SACS: variants seen among roughly 807,000 people sequenced by gnomAD.
SACS encodes sacsin molecular chaperone.
Under a neutral mutation model 348.0 loss-of-function variants are expected in SACS, and 197 were observed. The observed-to-expected ratio is 0.57, with a 90% CI of 0.50 to 0.64. The LOEUF (loss-of-function observed/expected upper bound fraction) is 0.64, where lower values mean the gene tolerates loss of function less well. Among genes scored for constraint, SACS ranks in the 30% least tolerant of loss-of-function variants. The pLI is 0.00. For synonymous variants in SACS, 1,985 were observed against 1,910.6 expected, an observed-to-expected ratio of 1.04 and a Z score of -1.02; for missense variants, 4,999 against 5,360.8, an observed-to-expected ratio of 0.93 and a Z score of 2.11.
chr13:23,380,538 CAAT>C (rs1191360458), intron 2 of SACS, among the ~76,000 whole-genome samples: 2 of 152,032 alleles, frequency 1.3e-5, no homozygotes, highest in Non-Finnish European at 2.9e-5. Flanking sequence ...ATAATAACAA[CAAT>C]AATAATAATA....
At chr13:23,350,237 A>G (rs1381951719) in intron 9 of SACS, among the ~76,000 whole-genome samples, 1 of 152,234 alleles carries the variant, frequency 6.6e-6, no homozygotes, top group East Asian at 1.9e-4. Flanking sequence ...TAGTGGAATG[A>G]CAGTGGAAGC....
chr13:23,411,418 A>G lies in SACS; in HGVS notation c.-179T>C. ...CATTCATCATCTGATGTCAGGAAAC[A>G]TTGTCGTGTGTTGCATTTGTATTCC... is the stretch of plus-strand genomic sequence containing the variant. On this transcript the variant is annotated 5_prime_UTR_variant, in exon 2 of 10. An upstream start codon of the reference 5' UTR is lost. Transcript: ENST00000382292. 2 of 651,052 alleles carry G rather than the reference A, an allele frequency of 3.1e-6. No individual in the cohort carries two copies. Among genetic ancestry groups the G allele is most frequent in the Non-Finnish European group, 5.5e-6 (2 of 362,412 alleles). 40.3% of individuals were successfully genotyped at this position (651,052 alleles called of 1,614,324 possible).
At chr13:23,346,232 G>A (rs999318518) in intron 9 of SACS, among the ~76,000 whole-genome samples, 1 of 152,182 alleles carries the variant, frequency 6.6e-6, no homozygotes, top group African/African-American at 2.4e-5. Context: ...TGCAACCTCT[G>A]CCGCCCGGGT....
At chr13:23,377,830 G>A (rs1321581140) in intron 2 of SACS, among the ~76,000 whole-genome samples, 1 of 152,166 alleles carries the variant, frequency 6.6e-6, no homozygotes, top group Non-Finnish European at 1.5e-5. Context: ...CCAGCACAGG[G>A]CTCCTGGATT....
In SACS at chr13:23,330,386, T is replaced by A; in HGVS notation, c.13490A>T (p.Asp4497Val). 1 of 1,614,218 alleles carries A rather than the reference T, an allele frequency of 6.2e-7. No homozygotes were observed. Among genetic ancestry groups the A allele is most frequent in the Non-Finnish European group, 8.5e-7 (1 of 1,180,028 alleles). The change falls in exon 10 of 10, where the codon GAT becomes GTT. Residue 4497 changes from aspartate (D) to valine (V), a missense_variant. Transcript: ENST00000382292. ...AAGTGCAGTTGGTTTTACATCTTTA[T>A]CAGACTTTCCCCTCACAGCATAGTC... ...AADYAVRGKS[D>V]KDVKPTALAQ...
In SACS at chr13:23,341,547, A is replaced by G. The variant is rs147837803; in HGVS notation, c.2329T>C (p.Ser777Pro). ...FDENRNHPSV[S>P]WLKMVWKNLY... is the part of the protein sequence containing the mutation. Reference sequence around the variant, plus strand: ...TTTTTCCAAACCATCTTAAGCCATGAAACAGATGGGTGATTTCTGTTTTCA... The same window carrying G: ...TTTTTCCAAACCATCTTAAGCCATGGAACAGATGGGTGATTTCTGTTTTCA... Residue 777 changes from serine to proline, a missense_variant, in exon 10 of 10, where the codon TCA becomes CCA. Ser to Pro is a moderately conservative substitution (Grantham distance 74). Transcript: ENST00000382292. 29 of 1,614,032 alleles carry G rather than the reference A, an allele frequency of 1.8e-5. No homozygotes were observed. The African/African-American group carries it at 3.7e-4, about 21-fold the overall frequency.
rs775473266 is a variant in SACS at position 23,331,541 on chromosome 13, T to A, written c.12335A>T (p.Asn4112Ile). The A allele has an allele frequency of 1.2e-6, 2 of 1,613,792 alleles. No homozygotes were observed. The highest frequency in any genetic ancestry group is 2.2e-5 in the South Asian group (2 of 91,070). Residue 4112 changes from asparagine to isoleucine, a missense_variant, in exon 10 of 10, where the codon AAT (asparagine) becomes ATT (isoleucine). Asn to Ile is a moderately radical substitution (Grantham distance 149, BLOSUM62 -3). Around this residue, in one of 6 missense-constraint regions of SACS, gnomAD observed 831 missense variants for 941.8 expected, o/e 0.88. Coordinates refer to ENST00000382292, the MANE Select transcript of SACS (RefSeq NM_014363.6). Reference protein sequence around the residue: ...LAMTLKSATDNLISDTSYLIA... With the variant: ...LAMTLKSATDILISDTSYLIA... Reference sequence around the variant, plus strand: ...TAAATATGAAGTGTCAGAAATCAAATTGTCAGTTGCTGATTTAAGAGTCAT... The same window carrying A: ...TAAATATGAAGTGTCAGAAATCAAAATGTCAGTTGCTGATTTAAGAGTCAT...
chr13:23,331,340 C>A lies in SACS; in HGVS notation c.12536G>T (p.Gly4179Val). The A allele has an allele frequency of 1.2e-6, 2 of 1,613,910 alleles. No homozygotes were observed. Among genetic ancestry groups the A allele is most frequent in the South Asian group, 1.1e-5 (1 of 91,080 alleles). ...ATCAACAAGGTACCCAACATATTCT[C>A]CCGGGTAAAAAACATTCATTGGGTC... ...LMDPMNVFYP[G>V]EYVGYLVDAE... is the part of the protein sequence containing the mutation. Residue 4179 changes from glycine (G) to valine (V), a missense_variant, in exon 10 of 10, where the codon GGA becomes GTA. By Grantham distance (109) the Gly-to-Val change is moderately radical. This residue lies in a region of SACS where 831 missense variants were observed against 941.8 expected (regional missense o/e 0.88). Coordinates refer to ENST00000382292, the MANE Select transcript of SACS (RefSeq NM_014363.6).
chr13:23,366,094 C>CA (rs1322578207), intron 5 of SACS, among the ~76,000 whole-genome samples: 1 of 152,114 alleles, frequency 6.6e-6, no homozygotes, highest in South Asian at 2.1e-4. Context: ...CCATGATCAT[C>CA]AAAAGAGCTT....
At chr13:23,344,038 T>C (rs4770434) in intron 9 of SACS, among the ~76,000 whole-genome samples, 9,636 of 152,306 alleles carry the variant, frequency 0.063, 437 homozygotes, top group Non-Finnish European at 0.097. Flanking sequence ...TGTCAGCAGC[T>C]TGACTAGTAT....
intron 1 of SACS, among the ~76,000 whole-genome samples, chr13:23,431,382 G>T (rs993715239): frequency 2.6e-5 from 4 of 152,186 alleles, no homozygotes; most frequent in Non-Finnish European, 4.4e-5. Context: ...GGGGTGAAAC[G>T]GCCTCTCCTA....
At chr13:23,382,066 A>G (rs1342950587) in intron 2 of SACS, among the ~76,000 whole-genome samples, 4 of 152,256 alleles carry the variant, frequency 2.6e-5, no homozygotes, top group African/African-American at 9.6e-5. Context: ...TCTGTAGAAC[A>G]ATTATAGTAG....
chr13:23,364,070 C>A (rs996072715), intron 6 of SACS, among the ~76,000 whole-genome samples: 2 of 152,094 alleles, frequency 1.3e-5, no homozygotes, highest in Non-Finnish European at 2.9e-5. Flanking sequence ...ATGTTATGTC[C>A]CACACACCTC....
At chr13:23,401,651 T>C (rs886160292) in intron 2 of SACS, among the ~76,000 whole-genome samples, 1 of 152,202 alleles carries the variant, frequency 6.6e-6, no homozygotes, top group Non-Finnish European at 1.5e-5. Context: ...ATAACAAAAT[T>C]TCCTTGTCAA....
chr13:23,339,900 C>G lies in SACS; in HGVS notation c.3976G>C (p.Glu1326Gln). Residue 1326 changes from glutamate to glutamine, a missense_variant, in exon 10 of 10, where the codon GAG becomes CAG. Physicochemically the swap from Glu to Gln is conservative, Grantham distance 29. Around this residue, in one of 6 missense-constraint regions of SACS, gnomAD observed 3,156 missense variants for 3,380.1 expected, o/e 0.93. Coordinates refer to ENST00000382292, the MANE Select transcript of SACS (RefSeq NM_014363.6). ...QLFKVCGSIEELTSDHISMVI... is the reference protein window; with the variant it reads ...QLFKVCGSIEQLTSDHISMVI... ...ATGGAAATATGATCTGATGTCAACTCCTCTATTGAACCACAGACCTTAAAT... is the reference window on the plus strand; with the variant it reads ...ATGGAAATATGATCTGATGTCAACTGCTCTATTGAACCACAGACCTTAAAT... The G allele has an allele frequency of 4.3e-6, 7 of 1,614,012 alleles. No individual in the cohort carries two copies. The highest frequency in any genetic ancestry group is 5.9e-6 in the Non-Finnish European group (7 of 1,179,956).
At chr13:23,365,658 G>A (rs888628600) in intron 5 of SACS, among the ~76,000 whole-genome samples, 2 of 152,164 alleles carry the variant, frequency 1.3e-5, no homozygotes, top group Non-Finnish European at 2.9e-5. Context: ...TTAAGCTTGA[G>A]TGATTGCCAA....
chr13:23,370,221 C>A (rs1183664139), intron 4 of SACS, among the ~76,000 whole-genome samples: 1 of 152,222 alleles, frequency 6.6e-6, no homozygotes, highest in Non-Finnish European at 1.5e-5. Flanking sequence ...TGTCCCCTCA[C>A]TCTATCCCAA....
intron 5 of SACS, among the ~76,000 whole-genome samples, chr13:23,368,118 C>T (rs1871174088): frequency 6.6e-6 from 1 of 151,178 alleles, no homozygotes; most frequent in South Asian, 2.1e-4. Context: ...CGTGTAAAGC[C>T]CTGCACAATG....
chr13:23,340,923 G>T lies in SACS; in HGVS notation c.2953C>A (p.Gln985Lys). The change falls in exon 10 of 10, where the codon CAG becomes AAG. Residue 985 changes from glutamine (Q) to lysine (K), a missense_variant. This residue lies in a region of SACS where 3,156 missense variants were observed against 3,380.1 expected (regional missense o/e 0.93). Transcript: ENST00000382292. ...TTTAAGCAGCTAGTGGTCTTTAACT[G>T]TTCTATTTTCAACATGTTTGCCAGA... The part of the protein sequence containing the change: ...IRLANMLKIE[Q>K]LKTTSCLKLV... The T allele has an allele frequency of 6.2e-7, 1 of 1,613,938 alleles. No individual in the cohort carries two copies. Among genetic ancestry groups the T allele is most frequent in the South Asian group, 1.1e-5 (1 of 91,076 alleles).
Sources: gnomAD v4.1 joint callset for allele counts (sites outside exome capture counted in the v4.1 genomes callset) on GRCh38, gnomAD v4.1.1 for gene constraint, gnomAD v4.1.1 regional missense constraint, MANE v1.5 for transcripts, NCBI Gene and HGNC (gene_info 2026-07-23, HGNC 2026-07-21) for gene names.